Variants in LRRC4C observed in about 807,000 individuals in gnomAD.
LRRC4C encodes leucine rich repeat containing 4C, also known as leucine-rich repeat-containing protein 4C.
LRRC4C carries 5 observed loss-of-function variants against 33.6 expected under a neutral mutation model. The observed-to-expected ratio is 0.15, with a 90% confidence interval of 0.08 to 0.31. The LOEUF (loss-of-function observed/expected upper bound fraction) is 0.31, where lower values mean the gene tolerates loss of function less well. Among genes scored for constraint, LRRC4C ranks in the 10% least tolerant of loss-of-function variants. LRRC4C has a pLI of 1.00. For synonymous variants in LRRC4C, 329 were observed against 302.0 expected (o/e 1.09, Z -0.93); for missense variants, 560 against 796.7 (o/e 0.70, Z 3.58).
chr11:40,813,851 G>T (rs760594004), intron 2 of LRRC4C, among the ~76,000 whole-genome samples: 8 of 152,150 alleles, frequency 5.3e-5, no homozygotes, highest in Non-Finnish European at 1.2e-4. Flanking sequence ...CCTTAATAAT[G>T]TTCCAAATAA....
intron 1 of LRRC4C, among the ~76,000 whole-genome samples, chr11:41,302,122 G>A (rs1950304658): frequency 6.6e-6 from 1 of 152,146 alleles, no homozygotes; most frequent in Non-Finnish European, 1.5e-5. Context: ...ATTGGGTACA[G>A]CAGTGAGGAT....
intron 1 of LRRC4C, among the ~76,000 whole-genome samples, chr11:41,088,133 C>T (rs1457639907): frequency 1.3e-5 from 2 of 152,056 alleles, no homozygotes; most frequent in Non-Finnish European, 2.9e-5. Flanking sequence ...GAAGCAAGAA[C>T]ATGGAATTTG....
chr11:40,344,188 G>C (rs1205252954), intron 3 of LRRC4C, among the ~76,000 whole-genome samples: 1 of 151,880 alleles, frequency 6.6e-6, no homozygotes, highest in African/African-American at 2.4e-5. Flanking sequence ...ACCTGGCAGA[G>C]ATACAACAAA....
chr11:40,214,497 C>A (rs1863836188), intron 5 of LRRC4C, among the ~76,000 whole-genome samples: 1 of 152,126 alleles, frequency 6.6e-6, no homozygotes. Flanking sequence ...CTCCCTAATT[C>A]ATTTGTTGGA....
chr11:40,904,545 A>G (rs1464092368), intron 2 of LRRC4C, among the ~76,000 whole-genome samples: 3 of 152,222 alleles, frequency 2.0e-5, no homozygotes, highest in African/African-American at 7.2e-5. Context: ...CCACAAACAA[A>G]TATGCAAAGT....
chr11:40,950,517 G>T (rs1237570248), intron 1 of LRRC4C, among the ~76,000 whole-genome samples: 2 of 151,760 alleles, frequency 1.3e-5, no homozygotes, highest in Non-Finnish European at 2.9e-5. Flanking sequence ...ATTTTCACTT[G>T]CCTGCTCCAT....
intron 1 of LRRC4C, among the ~76,000 whole-genome samples, chr11:41,273,866 C>T (rs186937170): frequency 2.0e-5 from 3 of 152,238 alleles, no homozygotes; most frequent in Non-Finnish European, 2.9e-5. Context: ...AAAATATATA[C>T]ATTAAATATG....
At chr11:40,499,127 C>A (rs1445240523) in intron 3 of LRRC4C, among the ~76,000 whole-genome samples, 1 of 152,126 alleles carries the variant, frequency 6.6e-6, no homozygotes. Flanking sequence ...GGCAGGAGAG[C>A]CTCCCTGCTG....
chr11:40,563,838 T>C (rs1957649786), intron 3 of LRRC4C, among the ~76,000 whole-genome samples: 1 of 152,178 alleles, frequency 6.6e-6, no homozygotes, highest in Non-Finnish European at 1.5e-5. Context: ...GTACTTTCCC[T>C]ATTTGCTTCC....
At chr11:40,900,996 T>G (rs112556907) in intron 2 of LRRC4C, among the ~76,000 whole-genome samples, 8 of 152,238 alleles carry the variant, frequency 5.3e-5, no homozygotes, top group African/African-American at 1.9e-4. Flanking sequence ...TTTTATGGAA[T>G]TCCCTTATGA....
chr11:40,676,277 G>A (rs992994867), intron 2 of LRRC4C, among the ~76,000 whole-genome samples: 1 of 152,082 alleles, frequency 6.6e-6, no homozygotes, highest in African/African-American at 2.4e-5. Context: ...GTTTCTTCAT[G>A]CCTTTCTGGG....
At chr11:40,185,055 C>T (rs1294824454) in intron 5 of LRRC4C, among the ~76,000 whole-genome samples, 1 of 152,180 alleles carries the variant, frequency 6.6e-6, no homozygotes, top group African/African-American at 2.4e-5. Context: ...CTGTTATCAG[C>T]TAACACCTTG....
At chr11:40,460,404 A>G (rs1222352827) in intron 3 of LRRC4C, among the ~76,000 whole-genome samples, 5 of 152,172 alleles carry the variant, frequency 3.3e-5, no homozygotes, top group African/African-American at 1.2e-4. Flanking sequence ...GCATGACTGC[A>G]GATAATAAAA....
intron 2 of LRRC4C, among the ~76,000 whole-genome samples, chr11:40,913,901 C>T (rs181603550): frequency 1.0e-3 from 158 of 152,204 alleles, no homozygotes; most frequent in African/African-American, 3.6e-3. Flanking sequence ...AAACTACCAT[C>T]GGAGAATACT....
chr11:40,128,842 A>T (rs981537693), intron 6 of LRRC4C, among the ~76,000 whole-genome samples: 1 of 152,108 alleles, frequency 6.6e-6, no homozygotes, highest in African/African-American at 2.4e-5. Flanking sequence ...TTTAAATTTT[A>T]CCTTCTCAGA....
intron 2 of LRRC4C, among the ~76,000 whole-genome samples, chr11:40,724,248 C>T (rs561097626): frequency 4.6e-5 from 7 of 152,108 alleles, no homozygotes; most frequent in Non-Finnish European, 1.0e-4. Flanking sequence ...TGACACTTGA[C>T]CAGTTGGATC....
At chr11:40,471,117 G>A (rs558555279) in intron 3 of LRRC4C, among the ~76,000 whole-genome samples, 1 of 152,170 alleles carries the variant, frequency 6.6e-6, no homozygotes, top group African/African-American at 2.4e-5. Flanking sequence ...AGGAAAAAAT[G>A]TTAAGGGCAG....
At chr11:40,251,301 A>G (rs1365686238) in intron 4 of LRRC4C, among the ~76,000 whole-genome samples, 1 of 152,202 alleles carries the variant, frequency 6.6e-6, no homozygotes, top group African/African-American at 2.4e-5. Flanking sequence ...GTAATTAAAT[A>G]TTAGGACAAT....
chr11:40,228,445 T>TAA lies in LRRC4C; in HGVS notation c.-96+13072_-96+13073dup, dbSNP rs533419698. On this transcript the variant is annotated intron_variant, in intron 5 of 6. Transcript: ENST00000528697. ...TTTTTATGAGAATCTTACTTCAAAG[T>TAA]AAAAAAAAAAAAATCTCTCCTAAGG... Among the ~76,000 whole-genome samples, 292 of 143,048 alleles carry TAA rather than the reference T, an allele frequency of 2.0e-3. 3 individuals carry two copies. The highest frequency in any genetic ancestry group is 6.9e-3 in the African/African-American group (270 of 39,310). 93.8% of individuals were successfully genotyped at this position (143,048 alleles called of 152,430 possible).
Sources: allele counts gnomAD v4.1 joint callset (sites outside exome capture counted in the v4.1 genomes callset), GRCh38; gene constraint gnomAD v4.1.1; transcripts MANE v1.5; gene names NCBI Gene and HGNC (gene_info 2026-07-23, HGNC 2026-07-21).